EYA2: variants seen among roughly 807,000 people sequenced by gnomAD.
EYA2 encodes protein phosphatase EYA2.
EYA2 carries 31 observed loss-of-function variants against 69.2 expected under a neutral mutation model. The ratio of observed to expected loss-of-function variants is 0.45; its 90% CI spans 0.34 to 0.60. The LOEUF (loss-of-function observed/expected upper bound fraction) is 0.60. EYA2 is among the 20% of genes least tolerant of loss of function. EYA2 has a pLI of 0.02. For synonymous variants in EYA2, 257 were observed against 279.4 expected, an observed-to-expected ratio of 0.92 and a Z score of 0.80; for missense variants, 622 against 701.2, an observed-to-expected ratio of 0.89 and a Z score of 1.28.
At chr20:46,951,534 A>G (rs1298031076) in intron 1 of EYA2, among the ~76,000 whole-genome samples, 2 of 152,172 alleles carry the variant, frequency 1.3e-5, no homozygotes, top group Non-Finnish European at 2.9e-5. Flanking sequence ...GAAGAGTGCC[A>G]GTCACTGAGG....
chr20:47,101,030 G>T (rs2032408952), intron 9 of EYA2, among the ~76,000 whole-genome samples: 1 of 152,160 alleles, frequency 6.6e-6, no homozygotes, highest in Non-Finnish European at 1.5e-5. Flanking sequence ...ATAGGAAAAG[G>T]GGGACTTGCC....
At chr20:47,170,741 A>G (rs2034302065) in intron 11 of EYA2, among the ~76,000 whole-genome samples, 4 of 152,148 alleles carry the variant, frequency 2.6e-5, no homozygotes, top group Admixed American at 2.6e-4. Context: ...ATGGAACCAT[A>G]GTTAATCTGT....
Position 46,955,535 on chromosome 20 carries a change from G to T in EYA2, c.-10-34466G>T, listed in dbSNP as rs569856902. Among the ~76,000 whole-genome samples, 3 of 152,294 alleles carry T rather than the reference G, an allele frequency of 2.0e-5. No homozygotes were observed. The South Asian group carries it at 6.2e-4, about 32-fold the overall frequency. The stretch of plus-strand genomic sequence containing the variant: ...CATGCTTATCATAGAGCAATAAAAT[G>T]ATGCTGAAGTATATAAAGTAAAAAT... On this transcript the variant is annotated intron_variant, in intron 1 of 15. Coordinates refer to ENST00000327619, the MANE Select transcript of EYA2 (RefSeq NM_005244.5).
intron 9 of EYA2, among the ~76,000 whole-genome samples, chr20:47,129,555 C>T (rs772242856): frequency 7.2e-5 from 11 of 152,148 alleles, no homozygotes; most frequent in African/African-American, 9.7e-5. Flanking sequence ...CACTAGAAGA[C>T]GGTGGCTTTA....
chr20:47,168,344 AC>A (rs140702012), intron 10 of EYA2, among the ~76,000 whole-genome samples: 10,480 of 151,970 alleles, frequency 0.069, 1,016 homozygotes, highest in African/African-American at 0.22. Flanking sequence ...GGCAGCTGCC[AC>A]CACGCCCAGC....
At chr20:47,183,441 C>A in intron 15 of EYA2, 50 bp downstream of exon 15, 1 of 1,553,876 alleles carries the variant, frequency 6.4e-7, no homozygotes, top group South Asian at 1.1e-5. Context: ...TCGAGCACCC[C>A]TCGTGGTCTT....
At chr20:46,899,877 C>T (rs759606079) in intron 1 of EYA2, among the ~76,000 whole-genome samples, 2 of 152,130 alleles carry the variant, frequency 1.3e-5, no homozygotes, top group Non-Finnish European at 2.9e-5. Context: ...TGTGCCTGCT[C>T]GTGCATTTTT....
chr20:47,116,287 C>T (rs1171224798), intron 9 of EYA2, among the ~76,000 whole-genome samples: 1 of 149,452 alleles, frequency 6.7e-6, no homozygotes, highest in Non-Finnish European at 1.5e-5. Flanking sequence ...AAGCGATTCT[C>T]CTGCCTCAGC....
intron 12 of EYA2, among the ~76,000 whole-genome samples, chr20:47,175,943 A>G (rs1247356008): frequency 1.3e-5 from 2 of 152,186 alleles, no homozygotes; most frequent in Non-Finnish European, 2.9e-5. Flanking sequence ...TCATTCTTCC[A>G]CGTGTCCATC....
intron 10 of EYA2, among the ~76,000 whole-genome samples, chr20:47,152,790 G>A (rs1307872424): frequency 7.0e-6 from 1 of 143,166 alleles, no homozygotes; most frequent in Non-Finnish European, 1.5e-5. Context: ...CAGCCTGGGT[G>A]ATGGAGCAAG....
intron 1 of EYA2, among the ~76,000 whole-genome samples, chr20:46,933,738 C>G (rs1352490105): frequency 6.6e-6 from 1 of 152,222 alleles, no homozygotes; most frequent in Non-Finnish European, 1.5e-5. Context: ...ACGCAGGATC[C>G]TAGGGCCTTC....
At chr20:46,973,230 G>T (rs1184464882) in intron 1 of EYA2, among the ~76,000 whole-genome samples, 1 of 152,288 alleles carries the variant, frequency 6.6e-6, no homozygotes, top group East Asian at 1.9e-4. Context: ...AAAGAGAAAT[G>T]CATTAACAAC....
rs1286849449 is a variant in EYA2, at chr20:47,016,297, G to A, written c.415G>A (p.Gly139Ser). ...GAGCCCATACACCTACCAGATGCAC[G>A]GTCAGTGTGGCGCTGTGGCCCCTTC... The part of the protein sequence containing the change: ...GQSPYTYQMH[G>S]TTGFYQGGNG... The change falls in exon 5 of 16, where the codon GGC becomes AGC. Residue 139 changes from glycine to serine, a missense_variant and splice_region_variant. Transcript: ENST00000327619. The A allele has an allele frequency of 5.6e-6, 9 of 1,611,704 alleles. No individual in the cohort carries two copies. The highest frequency in any genetic ancestry group is 2.7e-5 in the African/African-American group (2 of 74,880).
intron 1 of EYA2, among the ~76,000 whole-genome samples, chr20:46,896,831 C>CT (rs1205181698): frequency 2.0e-5 from 3 of 152,162 alleles, no homozygotes; most frequent in Non-Finnish European, 2.9e-5. Context: ...TTCACAATAT[C>CT]ATTCACTATT....
chr20:46,915,274 C>T (rs1984848914), intron 1 of EYA2, among the ~76,000 whole-genome samples: 1 of 152,152 alleles, frequency 6.6e-6, no homozygotes, highest in Admixed American at 6.5e-5. Context: ...AAAAACACGC[C>T]CACTGCCTCC....
rs565011551 is a variant in EYA2, at chr20:47,159,872, C to A, written c.979-9267C>A. Among the ~76,000 whole-genome samples, 7 of 152,100 alleles carry A rather than the reference C, an allele frequency of 4.6e-5. 1 individual carries two copies. In the South Asian group the frequency reaches 1.5e-3, roughly 32 times the overall value. ...AGGCATGGTGGCGCATGCCTGTAAT[C>A]CCAGCTACTTGGGAGGCTGAGGCAG... is the stretch of plus-strand genomic sequence containing the variant. On this transcript the variant is annotated intron_variant, in intron 10 of 15. Coordinates refer to ENST00000327619, the MANE Select transcript of EYA2 (RefSeq NM_005244.5).
At chr20:47,039,174 C>T (rs1358674493) in intron 5 of EYA2, among the ~76,000 whole-genome samples, 19 of 151,970 alleles carry the variant, frequency 1.3e-4, no homozygotes, top group Admixed American at 1.2e-3. Context: ...CTATTTTGAC[C>T]TAGACCAGGT....
intron 9 of EYA2, among the ~76,000 whole-genome samples, chr20:47,103,713 A>G (rs574288946): frequency 3.9e-5 from 6 of 152,254 alleles, no homozygotes; most frequent in African/African-American, 9.6e-5. Flanking sequence ...CTATGATCCA[A>G]TCACCTCCCA....
intron 9 of EYA2, among the ~76,000 whole-genome samples, chr20:47,107,394 G>A (rs2032612935): frequency 6.6e-6 from 1 of 151,684 alleles, no homozygotes; most frequent in African/African-American, 2.4e-5. Context: ...GCGTGGTGGT[G>A]GGCACCTGTA....
Sources: allele counts gnomAD v4.1 joint callset (sites outside exome capture counted in the v4.1 genomes callset), GRCh38; gene constraint gnomAD v4.1.1; transcripts MANE v1.5; gene names NCBI Gene and HGNC (gene_info 2026-07-23, HGNC 2026-07-21).